The following GRN variants were observed in gnomAD, a reference collection of about 807,000 sequenced individuals.
GRN encodes the protein granulin precursor, also known as progranulin.
A neutral mutation model predicts 66.7 loss-of-function variants in GRN; 30 were observed. The observed-to-expected ratio is 0.45, with a 90% confidence interval of 0.34 to 0.61. The LOEUF is 0.61. Ranked by LOEUF, GRN falls within the 20% of genes least tolerant of loss-of-function variation. GRN has a pLI of 0.01. For synonymous variants in GRN, 327 were observed against 311.1 expected, an observed-to-expected ratio of 1.05 and a Z score of -0.54; for missense variants, 731 against 803.5, an observed-to-expected ratio of 0.91 and a Z score of 1.09.
intron 7 of GRN, 102 bp downstream of exon 7, chr17:44,350,902 G>C: frequency 2.1e-6 from 3 of 1,411,256 alleles, no homozygotes; most frequent in Non-Finnish European, 3.0e-6. Context: ...CTGGCTGCTT[G>C]CTGGGAGCCT....
chr17:44,351,828 C>A (rs1434146179), intron 10 of GRN, 33 bp downstream of exon 10: 3 of 1,605,998 alleles, frequency 1.9e-6, no homozygotes, highest in Non-Finnish European at 2.6e-6. Flanking sequence ...TTGGCCTGGG[C>A]AGGTGGGTGG....
intron 1 of GRN, among the ~76,000 whole-genome samples, chr17:44,346,412 C>G (rs1014487085): frequency 6.6e-6 from 1 of 152,162 alleles, no homozygotes; most frequent in East Asian, 1.9e-4. Flanking sequence ...CCTGCCCCTC[C>G]CCCCGCAGTG....
In GRN at chr17:44,351,633, C is replaced by T; in HGVS notation, c.1017C>T (p.Pro339=). 1 of 1,614,096 alleles carries T rather than the reference C, an allele frequency of 6.2e-7. No homozygotes were observed. The highest frequency in any genetic ancestry group is 2.2e-5 in the East Asian group (1 of 44,880). ...AGAAGGGTACCTGTGAACAGGGGCC[C>T]CACCAGGTGCCCTGGATGGAGAAGG... ...DTQKGTCEQG[P]HQVPWMEKAP... is the part of the protein sequence containing the mutation. The change falls in exon 10 of 13, where the codon CCC becomes CCT. Residue 339 remains proline, a synonymous_variant. Transcript: ENST00000053867.
At position 44,350,359 on chromosome 17, in the gene GRN, T is replaced by TG. The variant is rs1345990070; in HGVS notation, c.462+24dup. ...GCCCCAGGTACAAATCTGGGGGAGA[T>TG]GGGGGTATGTGGAGGGAAGTGGGGG... is the stretch of plus-strand genomic sequence containing the variant. On this transcript the variant is annotated intron_variant, in intron 5 of 12. Transcript: ENST00000053867. 2 of 1,309,564 alleles carry TG rather than the reference T, an allele frequency of 1.5e-6. No individual in the cohort carries two copies. Among genetic ancestry groups the TG allele is most frequent in the African/African-American group, 2.2e-5 (1 of 45,838 alleles). 81.1% of individuals were successfully genotyped at this position (1,309,564 alleles called of 1,614,324 possible).
At chr17:44,350,065 G>A (rs2048357194) in intron 4 of GRN, among the ~76,000 whole-genome samples, 163 bp from the exon 5 acceptor site, 1 of 152,142 alleles carries the variant, frequency 6.6e-6, no homozygotes, top group Non-Finnish European at 1.5e-5. Flanking sequence ...ACTGGATTGT[G>A]AGGAGGGTGA....
Position 44,351,686 on chromosome 17 carries a change from C to T in GRN, c.1070C>T (p.Pro357Leu), listed in dbSNP as rs2048375961. 6.2e-7 allele frequency: 1 copy of T among 1,614,056 alleles called. No individual in the cohort carries two copies. Among genetic ancestry groups the T allele is most frequent in the African/African-American group, 1.3e-5 (1 of 75,034 alleles). ...CCAGCTCACCTCAGCCTGCCAGACC[C>T]ACAAGCCTTGAAGAGAGATGTCCCC... ...KAPAHLSLPD[P>L]QALKRDVPCD... The change falls in exon 10 of 13, where the codon CCA (proline) becomes CTA (leucine). Residue 357 changes from proline (P) to leucine (L), a missense_variant. Pro to Leu is a moderately conservative substitution (Grantham distance 98). Around this residue, in one of 3 missense-constraint regions of GRN, gnomAD observed 319 missense variants for 347.2 expected, o/e 0.92. Transcript: ENST00000053867.
Position 44,351,180 on chromosome 17 carries a change from G to A in GRN, c.835+17G>A, listed in dbSNP as rs1941178460. 5 of 1,613,970 alleles carry A rather than the reference G, an allele frequency of 3.1e-6. No homozygotes were observed. Among genetic ancestry groups the A allele is most frequent in the African/African-American group, 2.7e-5 (2 of 74,938 alleles). On this transcript the variant is annotated intron_variant, in intron 8 of 12. Transcript: ENST00000053867. ...CGCACACAGGTACCAGAGGCAGGGTGCAGATACAGGGGTGGGGCCCCCTTT... is the reference window on the plus strand; with the variant it reads ...CGCACACAGGTACCAGAGGCAGGGTACAGATACAGGGGTGGGGCCCCCTTT...
intron 1 of GRN, among the ~76,000 whole-genome samples, chr17:44,346,609 C>G (rs1441421282): frequency 6.6e-6 from 1 of 152,150 alleles, no homozygotes; most frequent in Non-Finnish European, 1.5e-5. Flanking sequence ...GATATGAACC[C>G]AGGTCCAATA....
At position 44,349,287 on chromosome 17, in the gene GRN, C is replaced by T. The variant is rs1452920555; in HGVS notation, c.123C>T (p.Cys41=). Residue 41 remains cysteine, a synonymous_variant, in exon 2 of 13, where the codon TGC becomes TGT. Transcript: ENST00000053867. ...CLDPGGASYS[C]CRPLLDKWPT... ...ACCCCGGAGGAGCCAGCTACAGCTG[C>T]TGCCGTCCCCTTCTGGTGAGTGCCC... 1.2e-6 allele frequency: 2 copies of T among 1,613,942 alleles called. No individual in the cohort carries two copies. Among genetic ancestry groups the T allele is most frequent in the Non-Finnish European group, 8.5e-7 (1 of 1,180,030 alleles).
In GRN at chr17:44,352,980, G is replaced by A; in HGVS notation, c.*182G>A. ...CTGTCAGAAGGGGGTTGTGGCAAAA[G>A]CCACATTACAAGCTGCCATCCCCTC... On this transcript the variant is annotated 3_prime_UTR_variant, in exon 13 of 13. Coordinates refer to ENST00000053867, the MANE Select transcript of GRN (RefSeq NM_002087.4). 4.6e-6 allele frequency: 3 copies of A among 654,860 alleles called. No homozygotes were observed. Among genetic ancestry groups the A allele is most frequent in the Non-Finnish European group, 8.0e-6 (3 of 373,692 alleles). The allele number at this position is 654,860 out of a possible 1,614,324, so 40.6% of individuals were successfully genotyped here. A position where few individuals can be genotyped will look rare whatever the true frequency, so the allele number is the denominator to read the frequency against.
chr17:44,351,555 G>A lies in GRN; in HGVS notation c.939G>A (p.Val313=). Residue 313 remains valine, a synonymous_variant, in exon 10 of 13, where the codon GTG becomes GTA. Transcript: ENST00000053867. ...AWGCCPFTQA[V]CCEDHIHCCP... is the part of the protein sequence containing the mutation. ...CCCTTCTTCATCTGCCCTAGGCTGT[G>A]TGCTGTGAGGACCACATACACTGCT... 1 of 1,614,082 alleles carries A rather than the reference G, an allele frequency of 6.2e-7. No individual in the cohort carries two copies. Among genetic ancestry groups the A allele is most frequent in the South Asian group, 1.1e-5 (1 of 91,092 alleles).
intron 10 of GRN, 75 bp from the exon 11 acceptor site, chr17:44,351,940 C>T: frequency 6.8e-7 from 1 of 1,462,944 alleles, no homozygotes; most frequent in Admixed American, 1.7e-5. Flanking sequence ...GAGAGGCGGG[C>T]TGGAGTAGGT....
At chr17:44,351,954 G>T in intron 10 of GRN, 61 bp from the exon 11 acceptor site, 1 of 1,490,134 alleles carries the variant, frequency 6.7e-7, no homozygotes, top group Middle Eastern at 2.2e-4. Context: ...AGTAGGTAGG[G>T]GCTCGGCACT....
In GRN at chr17:44,352,131, C is replaced by A; in HGVS notation, c.1296C>A (p.Arg432=). 1.9e-6 allele frequency: 3 copies of A among 1,613,808 alleles called. No individual in the cohort carries two copies. The highest frequency in any genetic ancestry group is 2.5e-6 in the Non-Finnish European group (3 of 1,179,918). Residue 432 remains arginine (R), a synonymous_variant, in exon 11 of 13, where the codon CGC becomes CGA. Transcript: ENST00000053867. ...IVAGLEKMPA[R]RASLSHPRDI... ...CTGGACTGGAGAAGATGCCTGCCCG[C>A]CGGGCTTCCTTATCCCACCCCAGAG...
chr17:44,349,855 C>CACATGAATGAGGGCA, intron 4 of GRN, 104 bp downstream of exon 4: 1 of 779,184 alleles, frequency 1.3e-6, no homozygotes, highest in Non-Finnish European at 2.2e-6. Context: ...GCCCTTGTGC[C>CACATGAATGAGGGCA]CTCATTCATG....
In GRN at chr17:44,351,708, C is replaced by T. The variant is rs777989653; in HGVS notation, c.1092C>T (p.Val364=). Reference sequence around the variant, plus strand: ...ACCCACAAGCCTTGAAGAGAGATGTCCCCTGTGATAATGTCAGCAGCTGTC... The same window carrying T: ...ACCCACAAGCCTTGAAGAGAGATGTTCCCTGTGATAATGTCAGCAGCTGTC... ...LPDPQALKRD[V]PCDNVSSCPS... is the part of the protein sequence containing the mutation. Residue 364 remains valine, a synonymous_variant, in exon 10 of 13, where the codon GTC becomes GTT. Coordinates refer to ENST00000053867, the MANE Select transcript of GRN (RefSeq NM_002087.4). 6.2e-6 allele frequency: 10 copies of T among 1,613,738 alleles called. No individual in the cohort carries two copies. Among genetic ancestry groups the T allele is most frequent in the Non-Finnish European group, 8.5e-6 (10 of 1,179,926 alleles).
In GRN at chr17:44,350,839, C is replaced by T. The variant is rs554060996; in HGVS notation, c.708+39C>T. On this transcript the variant is annotated intron_variant, in intron 7 of 12. Transcript: ENST00000053867. ...TGGAGCCAGCTTGGCTGTGTGCCCC[C>T]AGCCACCTGGCCCTGACACGCACCT... 20 of 1,522,096 alleles carry T rather than the reference C, an allele frequency of 1.3e-5. No individual in the cohort carries two copies. In the South Asian group the frequency reaches 2.0e-4, roughly 15 times the overall value. 94.3% of individuals were successfully genotyped at this position (1,522,096 alleles called of 1,614,324 possible).
At chr17:44,347,137 AAAAG>A (rs1289877948) in intron 1 of GRN, among the ~76,000 whole-genome samples, 1 of 152,132 alleles carries the variant, frequency 6.6e-6, no homozygotes, top group African/African-American at 2.4e-5. Context: ...GAGAAAAAGA[AAAAG>A]AAATGCCATG....
chr17:44,350,493 G>A lies in GRN; in HGVS notation c.514G>A (p.Asp172Asn), dbSNP rs956745443. 8.7e-6 allele frequency: 14 copies of A among 1,613,784 alleles called. No homozygotes were observed. Among genetic ancestry groups the A allele is most frequent in the South Asian group, 3.3e-5 (3 of 91,086 alleles). Residue 172 changes from aspartate (D) to asparagine (N), a missense_variant, in exon 6 of 13, where the codon GAC becomes AAC. Asp to Asn is a conservative substitution (Grantham distance 23). Transcript: ENST00000053867. ...CTGCTGTCCGCACGGTGCCTTCTGCGACCTGGTTCACACCCGCTGCATCAC... is the reference window on the plus strand; with the variant it reads ...CTGCTGTCCGCACGGTGCCTTCTGCAACCTGGTTCACACCCGCTGCATCAC... ...VHCCPHGAFC[D>N]LVHTRCITPT...
Sources: gnomAD v4.1 joint callset for allele counts (sites outside exome capture counted in the v4.1 genomes callset) on GRCh38, gnomAD v4.1.1 for gene constraint, gnomAD v4.1.1 regional missense constraint, MANE v1.5 for transcripts, NCBI Gene and HGNC (gene_info 2026-07-23, HGNC 2026-07-21) for gene names.